Variants in CDH13 observed in about 807,000 individuals in gnomAD.
CDH13 encodes cadherin 13.
Under a neutral mutation model 63.8 loss-of-function variants are expected in CDH13, and 24 were observed. That is an observed-to-expected ratio of 0.38 (90% CI 0.27 to 0.53). The LOEUF is 0.53. CDH13 is among the 20% of genes least tolerant of loss of function. The pLI is 0.85. For missense variants in CDH13, 1,049 were observed against 903.1 expected (o/e 1.16, Z -2.07); for synonymous variants, 503 against 355.3 (o/e 1.42, Z -4.67).
intron 3 of CDH13, among the ~76,000 whole-genome samples, chr16:83,095,291 G>A (rs187402063): frequency 4.9e-4 from 74 of 152,198 alleles, no homozygotes; most frequent in African/African-American, 1.7e-3. Flanking sequence ...CTGTCCACTG[G>A]TATATCAACA....
chr16:83,336,638 C>A (rs1450624018), intron 5 of CDH13, among the ~76,000 whole-genome samples: 4 of 152,186 alleles, frequency 2.6e-5, no homozygotes, highest in African/African-American at 9.7e-5. Context: ...TGAACTATAT[C>A]ATCTCAAAAA....
At chr16:83,041,584 C>A (rs947034803) in intron 3 of CDH13, among the ~76,000 whole-genome samples, 11 of 152,172 alleles carry the variant, frequency 7.2e-5, no homozygotes, top group African/African-American at 2.7e-4. Flanking sequence ...ATCAGAATCT[C>A]AGGAATTATT....
chr16:83,137,524 TTGTC>T (rs1363198734), intron 4 of CDH13, among the ~76,000 whole-genome samples: 2 of 152,218 alleles, frequency 1.3e-5, no homozygotes, highest in Non-Finnish European at 2.9e-5. Context: ...ACGGCTTTCT[TTGTC>T]TGGCAAGAAA....
chr16:83,561,378 A>G (rs558499696), intron 7 of CDH13, among the ~76,000 whole-genome samples: 1 of 148,122 alleles, frequency 6.8e-6, no homozygotes, highest in East Asian at 2.1e-4. Flanking sequence ...GTGAGCTGAG[A>G]TTGTGCCATT....
chr16:82,702,793 C>G (rs1022389137), intron 1 of CDH13, among the ~76,000 whole-genome samples: 4 of 152,114 alleles, frequency 2.6e-5, no homozygotes, highest in African/African-American at 4.8e-5. Flanking sequence ...TGCCTGGAAC[C>G]CTGTGGCCCC....
chr16:83,313,931 A>G (rs933130641), intron 5 of CDH13, among the ~76,000 whole-genome samples: 6 of 152,204 alleles, frequency 3.9e-5, no homozygotes, highest in African/African-American at 1.4e-4. Flanking sequence ...CTGTGGTGCA[A>G]TATGATGTTT....
chr16:83,068,532 T>G (rs951138009), intron 3 of CDH13, among the ~76,000 whole-genome samples: 3 of 152,192 alleles, frequency 2.0e-5, no homozygotes, highest in African/African-American at 7.2e-5. Flanking sequence ...TTGCTCTTTT[T>G]GTTGTAACCA....
intron 1 of CDH13, among the ~76,000 whole-genome samples, chr16:82,645,438 C>T (rs1000139186): frequency 6.6e-6 from 1 of 152,032 alleles, no homozygotes; most frequent in African/African-American, 2.4e-5. Flanking sequence ...GGTTGTGACC[C>T]TCGGGACAGT....
chr16:83,438,324 G>A (rs2072379280), intron 6 of CDH13, among the ~76,000 whole-genome samples: 1 of 152,204 alleles, frequency 6.6e-6, no homozygotes. Flanking sequence ...GAAGGGAACT[G>A]AAGCTCCCCA....
intron 2 of CDH13, among the ~76,000 whole-genome samples, chr16:82,877,549 T>C (rs1386434710): frequency 6.6e-6 from 1 of 152,220 alleles, no homozygotes; most frequent in African/African-American, 2.4e-5. Flanking sequence ...TGTGGAACAC[T>C]ATTCTGCAGA....
intron 5 of CDH13, among the ~76,000 whole-genome samples, chr16:83,283,149 C>T (rs1444652071): frequency 1.3e-5 from 2 of 152,180 alleles, no homozygotes; most frequent in Non-Finnish European, 2.9e-5. Context: ...TAGATCTTCA[C>T]AGATTTTTAA....
intron 6 of CDH13, among the ~76,000 whole-genome samples, chr16:83,472,142 T>G (rs903577789): frequency 1.5e-4 from 23 of 152,212 alleles, no homozygotes; most frequent in African/African-American, 5.3e-4. Flanking sequence ...CCCCATCAGG[T>G]GAAAACCATT....
chr16:83,390,686 C>T (rs1228079482), intron 6 of CDH13, among the ~76,000 whole-genome samples: 1 of 152,180 alleles, frequency 6.6e-6, no homozygotes, highest in Non-Finnish European at 1.5e-5. Flanking sequence ...TCCATGGATT[C>T]TAGTGCTCAG....
intron 7 of CDH13, among the ~76,000 whole-genome samples, chr16:83,545,735 A>C (rs2075375479): frequency 6.6e-6 from 1 of 152,292 alleles, no homozygotes; most frequent in Non-Finnish European, 1.5e-5. Context: ...ATTTATATCA[A>C]GCAAGCCCTC....
chr16:82,916,506 G>A (rs575671900), intron 2 of CDH13, among the ~76,000 whole-genome samples: 303 of 152,140 alleles, frequency 2.0e-3, no homozygotes, highest in Non-Finnish European at 3.2e-3. Flanking sequence ...TCTGGGAGTT[G>A]GAGGTTGCAG....
At chr16:82,838,286 A>G (rs1190149903) in intron 1 of CDH13, among the ~76,000 whole-genome samples, 1 of 152,098 alleles carries the variant, frequency 6.6e-6, no homozygotes, top group African/African-American at 2.4e-5. Flanking sequence ...CACTAGAAGG[A>G]GGATATATTT....
chr16:83,729,923 G>A (rs948516699), intron 10 of CDH13, among the ~76,000 whole-genome samples: 4 of 152,170 alleles, frequency 2.6e-5, no homozygotes, highest in Non-Finnish European at 5.9e-5. Context: ...TACAAAGAGG[G>A]GTTTTGAAGC....
intron 2 of CDH13, among the ~76,000 whole-genome samples, chr16:82,983,937 A>G (rs1457095755): frequency 1.3e-5 from 2 of 152,188 alleles, no homozygotes; most frequent in Non-Finnish European, 2.9e-5. Context: ...TTTCCTGAAG[A>G]CACCTGACAG....
chr16:83,685,936 G>C (rs113432893), intron 10 of CDH13, among the ~76,000 whole-genome samples: 1 of 152,084 alleles, frequency 6.6e-6, no homozygotes, highest in Non-Finnish European at 1.5e-5. Context: ...GTAATAATAT[G>C]GCTACTAGGA....
Sources: allele counts gnomAD v4.1 joint callset (sites outside exome capture counted in the v4.1 genomes callset), GRCh38; gene constraint gnomAD v4.1.1; transcripts MANE v1.5; gene names NCBI Gene and HGNC (gene_info 2026-07-23, HGNC 2026-07-21).